CLIC2: variants seen among roughly 807,000 people sequenced by gnomAD.
The protein encoded by CLIC2 is CLIC family member 2.
Under a neutral mutation model 14.8 loss-of-function variants are expected in CLIC2, and 9 were observed. That is an observed-to-expected ratio of 0.61 (90% CI 0.37 to 1.06). The LOEUF (loss-of-function observed/expected upper bound fraction) is 1.06, where lower values mean the gene tolerates loss of function less well. Ranked by LOEUF, CLIC2 falls within the 50% of genes least tolerant of loss-of-function variation. The pLI is 0.01. For synonymous variants in CLIC2, 61 were observed against 66.3 expected (o/e 0.92, Z 0.39); for missense variants, 148 against 181.4 (o/e 0.82, Z 1.06).
At chrX:155,327,819 G>T (rs1326566866) in intron 1 of CLIC2, among the ~76,000 whole-genome samples, 12 of 111,413 alleles carry the variant, frequency 1.1e-4, no homozygotes, top group African/African-American at 3.9e-4. Flanking sequence ...TCATGACCAA[G>T]TGCAATTTAT....
At chrX:155,288,685 G>A (rs1305314566) in intron 3 of CLIC2, among the ~76,000 whole-genome samples, 4 of 111,398 alleles carry the variant, frequency 3.6e-5, no homozygotes, top group African/African-American at 1.3e-4. Flanking sequence ...TATTTTGCAT[G>A]TTTAAATACT....
chrX:155,318,967 A>G (rs2075104053), intron 1 of CLIC2, among the ~76,000 whole-genome samples: 1 of 111,946 alleles, frequency 8.9e-6, no homozygotes, highest in Admixed American at 9.4e-5. Context: ...GGGAAAGGAC[A>G]CCCTATTCAA....
intron 1 of CLIC2, among the ~76,000 whole-genome samples, chrX:155,318,162 C>T (rs2075101364): frequency 9.0e-6 from 1 of 111,444 alleles, no homozygotes; most frequent in Non-Finnish European, 1.9e-5. Context: ...ATGATGCTCA[C>T]TTTTACCACT....
chrX:155,312,834 C>T (rs1557320717), intron 1 of CLIC2, among the ~76,000 whole-genome samples: 1 of 110,797 alleles, frequency 9.0e-6, no homozygotes, highest in Non-Finnish European at 1.9e-5. Flanking sequence ...TGATGAAGGC[C>T]TAATATCCAG....
chrX:155,326,828 A>T (rs1254883893), intron 1 of CLIC2, among the ~76,000 whole-genome samples: 1 of 111,740 alleles, frequency 8.9e-6, no homozygotes, highest in African/African-American at 3.3e-5. Flanking sequence ...GAAAAAAAAG[A>T]CAATCCCAAA....
chrX:155,322,043 G>A (rs1479412960), intron 1 of CLIC2, among the ~76,000 whole-genome samples: 2 of 111,489 alleles, frequency 1.8e-5, no homozygotes, highest in Non-Finnish European at 3.8e-5. Context: ...CAATACAGGA[G>A]CAACCAGATT....
At chrX:155,302,496 G>T (rs1557319286) in intron 1 of CLIC2, among the ~76,000 whole-genome samples, 1 of 101,244 alleles carries the variant, frequency 9.9e-6, no homozygotes, top group African/African-American at 3.5e-5. Context: ...CTTGCTAGCG[G>T]TCTATCAATT....
intron 3 of CLIC2, chrX:155,291,393 C>T: frequency 1.7e-6 from 1 of 585,009 alleles, no homozygotes. Flanking sequence ...CGGCCACTAG[C>T]TCCTGGCTCC....
At position 155,300,713 on chromosome X, in the gene CLIC2, C is replaced by T. The variant is rs1373618674; in HGVS notation, c.58-1568G>A. ...TTCTAGGGTTTTTATGGTTTTAGGT[C>T]TAACGTTTAAGTCTTTAATCCATCT... On this transcript the variant is annotated intron_variant, in intron 1 of 5. Transcript: ENST00000369449. 9.0e-5 allele frequency among the ~76,000 whole-genome samples: 9 copies of T among 100,152 alleles called. No individual in the cohort carries two copies. The East Asian group carries it at 1.3e-3, about 14-fold the overall frequency. The allele number at this position is 100,152 out of a possible 115,157, so 87.0% of individuals were successfully genotyped here.
At chrX:155,300,197 T>A (rs2075011226) in intron 1 of CLIC2, among the ~76,000 whole-genome samples, 1 of 109,939 alleles carries the variant, frequency 9.1e-6, no homozygotes, top group Non-Finnish European at 1.9e-5. Flanking sequence ...CCACCAACAG[T>A]GTAAAAGTGT....
At chrX:155,302,274 T>A (rs1161643504) in intron 1 of CLIC2, among the ~76,000 whole-genome samples, 2 of 107,542 alleles carry the variant, frequency 1.9e-5, no homozygotes, top group Non-Finnish European at 3.9e-5. Context: ...ATTGGTCTAT[T>A]CAGAGATTCA....
intron 1 of CLIC2, among the ~76,000 whole-genome samples, chrX:155,331,566 C>T: frequency 9.0e-6 from 1 of 111,422 alleles, no homozygotes; most frequent in Non-Finnish European, 1.9e-5. Context: ...GTGCTTTATA[C>T]ACTTGTTTTA....
intron 1 of CLIC2, among the ~76,000 whole-genome samples, chrX:155,304,918 G>A (rs1381386409): frequency 1.9e-5 from 2 of 103,813 alleles, no homozygotes; most frequent in Non-Finnish European, 4.0e-5. Context: ...GGACCCACTT[G>A]AGGAGGCAGT....
At chrX:155,300,294 T>G (rs1159525649) in intron 1 of CLIC2, among the ~76,000 whole-genome samples, 7 of 110,590 alleles carry the variant, frequency 6.3e-5, no homozygotes, top group South Asian at 3.9e-4. Context: ...TGGTATCTCA[T>G]TGTGGTTTTG....
intron 1 of CLIC2, among the ~76,000 whole-genome samples, chrX:155,302,323 C>G (rs371708015): frequency 9.2e-6 from 1 of 108,387 alleles, no homozygotes; most frequent in Non-Finnish European, 1.9e-5. Context: ...TGTATATGTC[C>G]AGGAATTTAT....
rs1602967909 is a variant in CLIC2, at chrX:155,334,438, A to G, written c.-11T>C. On this transcript the variant is annotated 5_prime_UTR_variant, in exon 1 of 6. Coordinates refer to ENST00000369449, the MANE Select transcript of CLIC2 (RefSeq NM_001289.6). ...CCGCAGGCCTGACATCTTTGTCTTT[A>G]CTGCCAGTTGTCAGCCTCCTGCCTC... 5 of 1,199,941 alleles carry G rather than the reference A, an allele frequency of 4.2e-6. No homozygotes were observed. The East Asian group carries it at 1.5e-4, about 36-fold the overall frequency.
At chrX:155,292,304 T>C (rs2074970405) in intron 3 of CLIC2, 3 of 569,209 alleles carry the variant, frequency 5.3e-6, no homozygotes, top group South Asian at 4.5e-5. Context: ...TGAAACTCAA[T>C]GCACTCTAGG....
At chrX:155,293,170 G>C in intron 3 of CLIC2, 1 of 719,208 alleles carries the variant, frequency 1.4e-6, no homozygotes, top group Non-Finnish European at 2.2e-6. Context: ...CAAGGTATCT[G>C]AAGGGGAAAG....
chrX:155,312,900 A>C (rs782193501), intron 1 of CLIC2, among the ~76,000 whole-genome samples: 1 of 111,853 alleles, frequency 8.9e-6, no homozygotes, highest in Admixed American at 9.5e-5. Context: ...AAAGTGGGCA[A>C]ATAACATGAA....
Sources: allele counts gnomAD v4.1 joint callset (sites outside exome capture counted in the v4.1 genomes callset), GRCh38; gene constraint gnomAD v4.1.1; transcripts MANE v1.5; gene names NCBI Gene and HGNC (gene_info 2026-07-23, HGNC 2026-07-21).